SAMD4A: variants seen among roughly 807,000 people sequenced by gnomAD.
SAMD4A encodes protein Smaug homolog 1.
Under a neutral mutation model 81.3 loss-of-function variants are expected in SAMD4A, and 33 were observed. That is an observed-to-expected ratio of 0.41 (90% CI 0.31 to 0.54). The LOEUF is 0.54. SAMD4A is among the 20% of genes least tolerant of loss of function. The pLI, the probability that SAMD4A is intolerant of heterozygous loss-of-function variation, is 0.37. For missense variants in SAMD4A, 854 were observed against 951.1 expected (o/e 0.90, Z 1.34); for synonymous variants, 389 against 382.1 (o/e 1.02, Z -0.21).
intron 2 of SAMD4A, among the ~76,000 whole-genome samples, chr14:54,674,530 A>G (rs367775419): frequency 6.6e-6 from 1 of 151,604 alleles, no homozygotes; most frequent in Non-Finnish European, 1.5e-5. Flanking sequence ...ATACTGGTGT[A>G]GATACTGGTG....
intron 2 of SAMD4A, among the ~76,000 whole-genome samples, chr14:54,672,640 A>G (rs1005164668): frequency 6.6e-6 from 1 of 152,224 alleles, no homozygotes; most frequent in Admixed American, 6.5e-5. Flanking sequence ...AATCTAACTT[A>G]TTAGACAAGA....
At chr14:54,747,684 G>C (rs1422015033) in intron 4 of SAMD4A, among the ~76,000 whole-genome samples, 1 of 152,234 alleles carries the variant, frequency 6.6e-6, no homozygotes, top group African/African-American at 2.4e-5. Context: ...GCCACTGATA[G>C]GCTGTTTGGT....
chr14:54,575,778 A>G (rs1464945129), intron 2 of SAMD4A, among the ~76,000 whole-genome samples: 1 of 152,124 alleles, frequency 6.6e-6, no homozygotes, highest in East Asian at 1.9e-4. Context: ...TTAGTTTGGT[A>G]GTGTGGTCAC....
intron 2 of SAMD4A, among the ~76,000 whole-genome samples, chr14:54,631,638 T>G (rs1235133828): frequency 6.6e-6 from 1 of 152,192 alleles, no homozygotes; most frequent in East Asian, 1.9e-4. Flanking sequence ...TCAATAATAA[T>G]TTTTATAATC....
intron 2 of SAMD4A, among the ~76,000 whole-genome samples, chr14:54,600,903 T>G (rs966466920): frequency 6.6e-6 from 1 of 152,352 alleles, no homozygotes; most frequent in East Asian, 1.9e-4. Flanking sequence ...GCAAACAGCA[T>G]GCTTAGACTA....
intron 2 of SAMD4A, among the ~76,000 whole-genome samples, chr14:54,645,440 T>C (rs1307961030): frequency 6.6e-6 from 1 of 152,232 alleles, no homozygotes; most frequent in African/African-American, 2.4e-5. Context: ...TTTACATTAA[T>C]TTACGAAAGA....
At chr14:54,632,728 A>G (rs2034931775) in intron 2 of SAMD4A, among the ~76,000 whole-genome samples, 1 of 152,218 alleles carries the variant, frequency 6.6e-6, no homozygotes, top group African/African-American at 2.4e-5. Context: ...CTGTGGTCTG[A>G]ATCCTCAATT....
chr14:54,619,814 A>G (rs1398177331), intron 2 of SAMD4A, among the ~76,000 whole-genome samples: 1 of 152,200 alleles, frequency 6.6e-6, no homozygotes, highest in East Asian at 1.9e-4. Flanking sequence ...TGCGAAGGAC[A>G]TGATCTTGTT....
At chr14:54,726,216 CCT>C (rs1324823315) in intron 3 of SAMD4A, among the ~76,000 whole-genome samples, 1 of 152,098 alleles carries the variant, frequency 6.6e-6, no homozygotes, top group Admixed American at 6.5e-5. Flanking sequence ...GACCCCTGAC[CCT>C]CTCTTTCCTA....
intron 9 of SAMD4A, among the ~76,000 whole-genome samples, chr14:54,771,930 C>T (rs2139918392): frequency 6.6e-6 from 1 of 152,310 alleles, no homozygotes; most frequent in African/African-American, 2.4e-5. Flanking sequence ...TTGTTAGTAA[C>T]ACTTGGATTG....
rs1205359181 is a variant in SAMD4A, at chr14:54,791,612, G to T, written c.*2668G>T. On this transcript the variant is annotated 3_prime_UTR_variant, in exon 13 of 13. Coordinates refer to ENST00000554335, the MANE Select transcript of SAMD4A (RefSeq NM_015589.6). Reference sequence around the variant, plus strand: ...AAGAAAAGCTTATTTTTCATTGACAGTGTATAGATTTATCTACTTAGTTGT... The same window carrying T: ...AAGAAAAGCTTATTTTTCATTGACATTGTATAGATTTATCTACTTAGTTGT... 1 of 152,026 alleles carries T rather than the reference G, an allele frequency of 6.6e-6. No individual in the cohort carries two copies. The highest frequency in any genetic ancestry group is 6.6e-5 in the Admixed American group (1 of 15,260). The allele number at this position is 152,026 out of a possible 1,614,324, so 9.4% of individuals were successfully genotyped here. A position where few individuals can be genotyped will look rare whatever the true frequency, so the allele number is the denominator to read the frequency against.
intron 2 of SAMD4A, among the ~76,000 whole-genome samples, chr14:54,590,764 C>A (rs1438578209): frequency 6.6e-6 from 1 of 152,188 alleles, no homozygotes; most frequent in Admixed American, 6.5e-5. Flanking sequence ...CCCAGACTAC[C>A]AGGTAGCATG....
intron 6 of SAMD4A, among the ~76,000 whole-genome samples, chr14:54,759,623 T>C (rs982251210): frequency 1.3e-5 from 2 of 152,294 alleles, no homozygotes; most frequent in Non-Finnish European, 2.9e-5. Context: ...GAGGCACAAA[T>C]TGGTTAAGCC....
intron 5 of SAMD4A, among the ~76,000 whole-genome samples, chr14:54,749,940 C>A (rs527312442): frequency 1.6e-4 from 25 of 152,328 alleles, no homozygotes; most frequent in African/African-American, 6.0e-4. Flanking sequence ...ACCCTGCAGG[C>A]CTGGCGGACT....
At chr14:54,612,241 A>T (rs1189736765) in intron 2 of SAMD4A, among the ~76,000 whole-genome samples, 1 of 152,148 alleles carries the variant, frequency 6.6e-6, no homozygotes, top group Non-Finnish European at 1.5e-5. Context: ...GTATATAGTT[A>T]GCCAGTTTCT....
chr14:54,774,332 G>A (rs1035283626), intron 9 of SAMD4A, among the ~76,000 whole-genome samples: 5 of 152,224 alleles, frequency 3.3e-5, no homozygotes, highest in Non-Finnish European at 5.9e-5. Context: ...ATGTGATACC[G>A]CCTCTCAGAT....
intron 2 of SAMD4A, among the ~76,000 whole-genome samples, chr14:54,686,795 G>A (rs1461874056): frequency 6.6e-6 from 1 of 152,184 alleles, no homozygotes; most frequent in Non-Finnish European, 1.5e-5. Context: ...AGGCAGCAGA[G>A]GCAGATCACA....
chr14:54,766,949 T>C (rs964469982), intron 8 of SAMD4A, among the ~76,000 whole-genome samples: 15 of 152,120 alleles, frequency 9.9e-5, no homozygotes, highest in African/African-American at 3.4e-4. Flanking sequence ...TTTTGTTTTT[T>C]CCCCTTGACC....
rs140875623 is a variant in SAMD4A, at chr14:54,664,810, AACACACACACACACACACAC to A, written c.197-37231_197-37212del. ...TAAATATGTTTAATTATGTGAATCCAACACACACACACACACACACACACACACACACACACACACTTCCT... is the reference window on the plus strand; with the variant it reads ...TAAATATGTTTAATTATGTGAATCCAACACACACACACACACACACTTCCT... On this transcript the variant is annotated intron_variant, in intron 2 of 12. Transcript: ENST00000554335. 9.2e-3 allele frequency among the ~76,000 whole-genome samples: 1,311 copies of A among 141,762 alleles called. 7 individuals are homozygous for A. Among genetic ancestry groups the A allele is most frequent in the Non-Finnish European group, 0.014 (927 of 63,992 alleles). The allele number at this position is 141,762 out of a possible 152,430, so 93.0% of individuals were successfully genotyped here.
Sources: gnomAD v4.1 joint callset for allele counts (sites outside exome capture counted in the v4.1 genomes callset) on GRCh38, gnomAD v4.1.1 for gene constraint, MANE v1.5 for transcripts, NCBI Gene and HGNC (gene_info 2026-07-23, HGNC 2026-07-21) for gene names.